Variants in APBA1 observed in about 807,000 individuals in gnomAD.
The protein encoded by APBA1 is amyloid beta precursor protein binding family A member 1, also known as amyloid-beta A4 precursor protein-binding family A member 1.
In APBA1, 55 loss-of-function variants were observed where a neutral mutation model predicts 86.6. That is an observed-to-expected ratio of 0.64 (90% confidence interval 0.51 to 0.80). The LOEUF is 0.80. APBA1 is among the 30% of genes least tolerant of loss of function. APBA1 has a pLI of 0.00. For synonymous variants in APBA1, 511 were observed against 493.9 expected (o/e 1.03, Z -0.46); for missense variants, 1,090 against 1,183.0 (o/e 0.92, Z 1.15).
At position 69,575,162 on chromosome 9, in the gene APBA1, C is replaced by G. The variant is rs950069074; in HGVS notation, c.-69-57883G>C. Among the ~76,000 whole-genome samples the G allele has an allele frequency of 2.0e-5, 3 of 152,180 alleles. No homozygotes were observed. The South Asian group carries it at 6.2e-4, about 32-fold the overall frequency. ...CAAACTCCTGGGCTCAAGCAATCCA[C>G]TGGCCTCAGCCTCCCAAAGTACTGG... On this transcript the variant is annotated intron_variant, in intron 1 of 12. Transcript: ENST00000265381.
chr9:69,522,713 G>A (rs1447318807), intron 1 of APBA1, among the ~76,000 whole-genome samples: 1 of 152,198 alleles, frequency 6.6e-6, no homozygotes. Flanking sequence ...ATTAAGTGCT[G>A]CTGTTCTTAT....
At chr9:69,584,580 C>T (rs893361490) in intron 1 of APBA1, among the ~76,000 whole-genome samples, 1 of 152,160 alleles carries the variant, frequency 6.6e-6, no homozygotes, top group Non-Finnish European at 1.5e-5. Flanking sequence ...AAGAATCATG[C>T]CACGTACAAC....
At chr9:69,548,967 G>A (rs917892845) in intron 1 of APBA1, among the ~76,000 whole-genome samples, 1 of 152,240 alleles carries the variant, frequency 6.6e-6, no homozygotes, top group African/African-American at 2.4e-5. Context: ...GCCCGGGGTG[G>A]TGGGAACCAG....
At chr9:69,612,215 A>G (rs1822604728) in intron 1 of APBA1, among the ~76,000 whole-genome samples, 2 of 152,078 alleles carry the variant, frequency 1.3e-5, no homozygotes. Flanking sequence ...AGATATTCAC[A>G]GACTATAAAA....
At chr9:69,662,356 T>G (rs1823769233) in intron 1 of APBA1, among the ~76,000 whole-genome samples, 2 of 152,232 alleles carry the variant, frequency 1.3e-5, no homozygotes, top group South Asian at 4.1e-4. Flanking sequence ...CTTAGCGCAA[T>G]GCCTGACACT....
At position 69,471,672 on chromosome 9, in the gene APBA1, G is replaced by C; in HGVS notation, c.1320C>G (p.Phe440Leu). ...NKESRKSLAS[F>L]PTYVEVPGPC... Reference sequence around the variant, plus strand: ...AGCTCTTACCTTCAACGTAGGTTGGGAATGAAGCCAAGCTTTTTCTTGACT... The same window carrying C: ...AGCTCTTACCTTCAACGTAGGTTGGCAATGAAGCCAAGCTTTTTCTTGACT... Residue 440 changes from phenylalanine to leucine, a missense_variant, in exon 4 of 13, where the codon TTC becomes TTG. By Grantham distance (22) the Phe-to-Leu change is conservative. Transcript: ENST00000265381. 1 of 1,613,598 alleles carries C rather than the reference G, an allele frequency of 6.2e-7. No individual in the cohort carries two copies. The highest frequency in any genetic ancestry group is 8.5e-7 in the Non-Finnish European group (1 of 1,179,822).
rs763605485 is a variant in APBA1, at chr9:69,449,779, C to T, written c.1986G>A (p.Gln662=). The change falls in exon 10 of 13, where the codon CAG becomes CAA. Residue 662 remains glutamine, a synonymous_variant. Coordinates refer to ENST00000265381, the MANE Select transcript of APBA1 (RefSeq NM_001163.4). ...ENCKDVFIEK[Q]KGEILGVVIV... Reference sequence around the variant, plus strand: ...TCACCACACCTAGGATTTCTCCTTTCTGCTTCTCTATGAAAACCTGGAAGG... The same window carrying T: ...TCACCACACCTAGGATTTCTCCTTTTTGCTTCTCTATGAAAACCTGGAAGG... 6 of 1,610,934 alleles carry T rather than the reference C, an allele frequency of 3.7e-6. No homozygotes were observed. Among genetic ancestry groups the T allele is most frequent in the South Asian group, 2.2e-5 (2 of 91,028 alleles).
chr9:69,602,342 C>T (rs190991676), intron 1 of APBA1, among the ~76,000 whole-genome samples: 27 of 152,076 alleles, frequency 1.8e-4, no homozygotes, highest in South Asian at 6.2e-4. Flanking sequence ...GAGGACGAGG[C>T]GGGCGGATCA....
chr9:69,475,174 C>T (rs1397237447), intron 3 of APBA1, among the ~76,000 whole-genome samples: 1 of 152,178 alleles, frequency 6.6e-6, no homozygotes, highest in African/African-American at 2.4e-5. Context: ...TTCTCAGACC[C>T]AGACACCTCA....
chr9:69,624,123 T>C (rs1018385166), intron 1 of APBA1, among the ~76,000 whole-genome samples: 2 of 152,242 alleles, frequency 1.3e-5, no homozygotes, highest in Admixed American at 6.5e-5. Flanking sequence ...CAGATTATGA[T>C]ACTGTGCAGT....
chr9:69,626,518 G>A (rs1194577845), intron 1 of APBA1, among the ~76,000 whole-genome samples: 2 of 151,884 alleles, frequency 1.3e-5, no homozygotes, highest in East Asian at 1.9e-4. Context: ...CGTGTGTATC[G>A]CAATATACAA....
chr9:69,451,973 G>C, intron 9 of APBA1, 149 bp downstream of exon 9: 1 of 739,720 alleles, frequency 1.4e-6, no homozygotes, highest in Non-Finnish European at 2.3e-6. Flanking sequence ...AGCAGGGAGC[G>C]AGAGATGGGG....
At chr9:69,614,853 A>C (rs1417571048) in intron 1 of APBA1, among the ~76,000 whole-genome samples, 1 of 152,198 alleles carries the variant, frequency 6.6e-6, no homozygotes, top group Non-Finnish European at 1.5e-5. Context: ...CTTTTATTTG[A>C]AATATTGTTA....
At chr9:69,636,871 G>A (rs188197851) in intron 1 of APBA1, among the ~76,000 whole-genome samples, 1,406 of 128,710 alleles carry the variant, frequency 0.011, 83 homozygotes, top group Non-Finnish European at 0.017. Context: ...GAGGGAGAGA[G>A]AAAGAAAGAA....
At chr9:69,492,921 T>C (rs1161435926) in intron 2 of APBA1, among the ~76,000 whole-genome samples, 3 of 152,190 alleles carry the variant, frequency 2.0e-5, no homozygotes, top group East Asian at 3.9e-4. Context: ...CTTTAAAAAT[T>C]ACAGAGTTTT....
At chr9:69,573,174 A>C (rs886801023) in intron 1 of APBA1, among the ~76,000 whole-genome samples, 12 of 152,132 alleles carry the variant, frequency 7.9e-5, no homozygotes, top group African/African-American at 2.9e-4. Context: ...ATAAATAAAT[A>C]AAGAAGAAGA....
chr9:69,443,594 G>C (rs2781531), intron 10 of APBA1, among the ~76,000 whole-genome samples: 44,882 of 151,994 alleles, frequency 0.3, 6,915 homozygotes, highest in East Asian at 0.46. Context: ...GAACCAAAAT[G>C]ACTGTAACTA....
At chr9:69,546,306 C>T (rs1318688679) in intron 1 of APBA1, among the ~76,000 whole-genome samples, 4 of 152,370 alleles carry the variant, frequency 2.6e-5, no homozygotes, top group East Asian at 1.9e-4. Flanking sequence ...GGAGGTCAGT[C>T]TACTTCAGTG....
intron 1 of APBA1, among the ~76,000 whole-genome samples, chr9:69,542,820 C>T (rs888963496): frequency 6.6e-6 from 1 of 152,170 alleles, no homozygotes; most frequent in Non-Finnish European, 1.5e-5. Context: ...GATAATTTCT[C>T]CTGAATTACA....
Sources: gnomAD v4.1 joint callset for allele counts (sites outside exome capture counted in the v4.1 genomes callset) on GRCh38, gnomAD v4.1.1 for gene constraint, MANE v1.5 for transcripts, NCBI Gene and HGNC (gene_info 2026-07-23, HGNC 2026-07-21) for gene names.